The following CD58 variants were observed in gnomAD, a reference collection of about 807,000 sequenced individuals.
CD58 encodes lymphocyte function-associated antigen 3.
Under a neutral mutation model 27.6 loss-of-function variants are expected in CD58, and 14 were observed. The observed-to-expected ratio is 0.51, with a 90% CI of 0.34 to 0.79. The LOEUF (loss-of-function observed/expected upper bound fraction) is 0.79. CD58 is among the 30% of genes least tolerant of loss of function. The pLI, the probability that CD58 is intolerant of heterozygous loss-of-function variation, is 0.02. For synonymous variants in CD58, 117 were observed against 103.8 expected (o/e 1.13, Z -0.77); for missense variants, 268 against 301.7 (o/e 0.89, Z 0.83).
At chr1:116,539,877 TCCTC>T (rs1657939216) in intron 2 of CD58, among the ~76,000 whole-genome samples, 1 of 152,222 alleles carries the variant, frequency 6.6e-6, no homozygotes, top group African/African-American at 2.4e-5. Context: ...TGTGCCTACT[TCCTC>T]CCTAAGACAA....
At chr1:116,533,451 T>C (rs114382491) in intron 3 of CD58, 564 of 751,974 alleles carry the variant, frequency 7.5e-4, no homozygotes, top group Non-Finnish European at 1.1e-3. Flanking sequence ...AAAGCAGTCA[T>C]TGGGTTGAAA....
chr1:116,565,918 T>A (rs558470443), intron 1 of CD58, among the ~76,000 whole-genome samples: 2 of 152,164 alleles, frequency 1.3e-5, no homozygotes, highest in African/African-American at 2.4e-5. Flanking sequence ...AGGGTTTCAC[T>A]GCGTTAGCCA....
At position 116,534,582 on chromosome 1, in the gene CD58, G is replaced by A. The variant is rs909002840; in HGVS notation, c.628+1383C>T. Among the ~76,000 whole-genome samples, 3 of 152,136 alleles carry A rather than the reference G, an allele frequency of 2.0e-5. No homozygotes were observed. Among genetic ancestry groups the A allele is most frequent in the Non-Finnish European group, 4.4e-5 (3 of 67,998 alleles). On this transcript the variant is annotated intron_variant, in intron 3 of 5. Transcript: ENST00000369489. This position sits in a 1 kb window ranked among gnomAD's most constrained non-coding sequence, Gnocchi z 5.3. ...AGCGACTTGACCTTCAGGGCAGTGG[G>A]CGGCAGGGCAGGGGCGCACCGGGTG...
At position 116,522,585 on chromosome 1, in the gene CD58, A is replaced by G. The variant is rs1317867272; in HGVS notation, c.629-602T>C. ...AGGAACCTACCCCTGTATTTCCCCC[A>G]GGAACATTACTTCACTACTTGCTAT... On this transcript the variant is annotated intron_variant, in intron 3 of 5. Transcript: ENST00000369489. This position sits in a 1 kb window ranked among gnomAD's most constrained non-coding sequence, Gnocchi z 4.6. Among the ~76,000 whole-genome samples the G allele has an allele frequency of 6.6e-6, 1 of 152,238 alleles. No individual in the cohort carries two copies. The highest frequency in any genetic ancestry group is 1.9e-4 in the East Asian group (1 of 5,206).
chr1:116,530,299 G>A (rs1433515334), intron 3 of CD58, among the ~76,000 whole-genome samples: 13 of 151,262 alleles, frequency 8.6e-5, no homozygotes, highest in African/African-American at 1.2e-4. Context: ...TCCGCCTCCC[G>A]GGTTCATGCC....
At chr1:116,560,567 A>C (rs1017262244) in intron 1 of CD58, among the ~76,000 whole-genome samples, 9 of 152,174 alleles carry the variant, frequency 5.9e-5, no homozygotes, top group African/African-American at 2.2e-4. Context: ...TGTATGTTAA[A>C]CTTCAATTTT....
chr1:116,566,282 T>C (rs1571094921), intron 1 of CD58, among the ~76,000 whole-genome samples: 1 of 152,314 alleles, frequency 6.6e-6, no homozygotes, highest in African/African-American at 2.4e-5. Context: ...AATATACTGA[T>C]GCTACTAAGA....
Position 116,570,984 on chromosome 1 carries a change from C to A in CD58, c.-12G>T. On this transcript the variant is annotated 5_prime_UTR_variant, in exon 1 of 6. Coordinates refer to ENST00000369489, the MANE Select transcript of CD58 (RefSeq NM_001779.3). This position sits in a 1 kb window ranked among gnomAD's most constrained non-coding sequence, Gnocchi z 6.4. The stretch of plus-strand genomic sequence containing the variant: ...CTCCCAGCAACCATGGCTCGTCGGG[C>A]CGGCCTCTGCGCGAGTGCCCAGCCA... 1 of 1,540,616 alleles carries A rather than the reference C, an allele frequency of 6.5e-7. No homozygotes were observed. Among genetic ancestry groups the A allele is most frequent in the Non-Finnish European group, 8.7e-7 (1 of 1,150,304 alleles).
At chr1:116,567,520 C>T (rs1308634214) in intron 1 of CD58, among the ~76,000 whole-genome samples, 1 of 152,080 alleles carries the variant, frequency 6.6e-6, no homozygotes, top group African/African-American at 2.4e-5. Flanking sequence ...CACCTGTAGT[C>T]CTGGCTACTC....
In CD58 at chr1:116,544,393, G is replaced by A. The variant is rs1215607993; in HGVS notation, c.282C>T (p.Asn94=). 1 of 1,611,858 alleles carries A rather than the reference G, an allele frequency of 6.2e-7. No homozygotes were observed. Among genetic ancestry groups the A allele is most frequent in the Admixed American group, 1.7e-5 (1 of 60,024 alleles). Residue 94 remains asparagine (N), a synonymous_variant, in exon 2 of 6, where the codon AAC becomes AAT. Coordinates refer to ENST00000369489, the MANE Select transcript of CD58 (RefSeq NM_001779.3). The part of the protein sequence containing the change: ...DTVSGSLTIY[N]LTSSDEDEYE... The stretch of plus-strand genomic sequence containing the variant: ...ACTCATCTTCATCTGATGATGTTAA[G>A]TTGTAGATAGTGAGGCTACCTGACA...
At position 116,552,316 on chromosome 1, in the gene CD58, C is replaced by T. The variant is rs1658418443; in HGVS notation, c.71-7712G>A. On this transcript the variant is annotated intron_variant, in intron 1 of 5. Coordinates refer to ENST00000369489, the MANE Select transcript of CD58 (RefSeq NM_001779.3). This position sits in a 1 kb window ranked among gnomAD's most constrained non-coding sequence, Gnocchi z 4.5. ...GTCTTATACGCATGGTTCTTGGCAT[C>T]CCAAAACAATGACAACAGTAACATC... Among the ~76,000 whole-genome samples, 1 of 152,128 alleles carries T rather than the reference C, an allele frequency of 6.6e-6. No individual in the cohort carries two copies. Among genetic ancestry groups the T allele is most frequent in the South Asian group, 2.1e-4 (1 of 4,834 alleles).
At chr1:116,543,831 A>G (rs937063327) in intron 2 of CD58, among the ~76,000 whole-genome samples, 1 of 152,182 alleles carries the variant, frequency 6.6e-6, no homozygotes. Context: ...CTGAGACAGT[A>G]AAATCACTTT....
At chr1:116,535,940 A>G (rs200660937) in intron 3 of CD58, 25 bp downstream of exon 3, 146 of 1,576,904 alleles carry the variant, frequency 9.3e-5, no homozygotes, top group East Asian at 2.9e-4. Context: ...GAAAGCCTCC[A>G]TGACACATTT....
At chr1:116,535,637 C>T (rs1374749045) in intron 3 of CD58, among the ~76,000 whole-genome samples, 1 of 98,988 alleles carries the variant, frequency 1.0e-5, no homozygotes, top group South Asian at 4.9e-4. Flanking sequence ...GTCAGGAGAT[C>T]GAGACCATCC....
At position 116,541,390 on chromosome 1, in the gene CD58, C is replaced by T. The variant is rs754018133; in HGVS notation, c.364+2921G>A. Among the ~76,000 whole-genome samples, 7 of 152,230 alleles carry T rather than the reference C, an allele frequency of 4.6e-5. No homozygotes were observed. Among genetic ancestry groups the T allele is most frequent in the Non-Finnish European group, 8.8e-5 (6 of 68,042 alleles). ...AATAGAGTCCACAGGGGTCAGACCT[C>T]ACATAGCCTTGCAAGTCGCTTTACA... is the stretch of plus-strand genomic sequence containing the variant. On this transcript the variant is annotated intron_variant, in intron 2 of 5. Coordinates refer to ENST00000369489, the MANE Select transcript of CD58 (RefSeq NM_001779.3). The surrounding 1 kb of genome is among the most constrained non-coding windows in gnomAD (Gnocchi z 5.3).
chr1:116,546,167 T>C lies in CD58; in HGVS notation c.71-1563A>G, dbSNP rs920200069. Among the ~76,000 whole-genome samples, 3 of 152,268 alleles carry C rather than the reference T, an allele frequency of 2.0e-5. No homozygotes were observed. Among genetic ancestry groups the C allele is most frequent in the East Asian group, 3.9e-4 (2 of 5,186 alleles). ...AGCCTGGGTGACAGAGCATGACCTGTCTCAACAAACAAACAAAAAACTGCA... is the reference window on the plus strand; with the variant it reads ...AGCCTGGGTGACAGAGCATGACCTGCCTCAACAAACAAACAAAAAACTGCA... On this transcript the variant is annotated intron_variant, in intron 1 of 5. Coordinates refer to ENST00000369489, the MANE Select transcript of CD58 (RefSeq NM_001779.3). The surrounding 1 kb of genome is among the most constrained non-coding windows in gnomAD (Gnocchi z 4.1).
rs562807222 is a variant in CD58 at position 116,521,986 on chromosome 1, A to G, written c.629-3T>C. On this transcript the variant is annotated splice_polypyrimidine_tract_variant and splice_region_variant and intron_variant, in intron 3 of 5. Coordinates refer to ENST00000369489, the MANE Select transcript of CD58 (RefSeq NM_001779.3). The surrounding 1 kb of genome is among the most constrained non-coding windows in gnomAD (Gnocchi z 5.6). ...TGCATATCTGTGTCTTGAATGACCT[A>G]TAAAAAAGAAAAGAAAAGAAATTCA... 13 of 1,514,326 alleles carry G rather than the reference A, an allele frequency of 8.6e-6. No homozygotes were observed. In the African/African-American group the frequency reaches 1.7e-4, roughly 19 times the overall value. The allele number at this position is 1,514,326 out of a possible 1,614,324, so 93.8% of individuals were successfully genotyped here.
intron 1 of CD58, among the ~76,000 whole-genome samples, chr1:116,568,267 G>A (rs1428040136): frequency 6.6e-6 from 1 of 152,136 alleles, no homozygotes; most frequent in Non-Finnish European, 1.5e-5. Context: ...AATTACAGGT[G>A]AGGTGTCATG....
At position 116,536,184 on chromosome 1, in the gene CD58, T is replaced by C. The variant is rs1657800533; in HGVS notation, c.409A>G (p.Ser137Gly). The change falls in exon 3 of 6, where the codon AGC becomes GGC. Residue 137 changes from serine (S) to glycine (G), a missense_variant. Ser to Gly is a moderately conservative substitution (Grantham distance 56). Transcript: ENST00000369489. This position sits in a 1 kb window ranked among gnomAD's most constrained non-coding sequence, Gnocchi z 5.4. ...PTLTCALTNG[S>G]IEVQCMIPEH... ...GGTATCATGCATTGGACTTCAATGC[T>C]TCCATTAGTCAATGCACAAGTTAGT... 1 of 1,611,294 alleles carries C rather than the reference T, an allele frequency of 6.2e-7. No homozygotes were observed. Among genetic ancestry groups the C allele is most frequent in the African/African-American group, 1.3e-5 (1 of 74,842 alleles).
Sources: gnomAD v4.1 joint callset for allele counts (sites outside exome capture counted in the v4.1 genomes callset) on GRCh38, gnomAD v4.1.1 for gene constraint, Gnocchi (gnomAD v3.1) non-coding constraint, MANE v1.5 for transcripts, NCBI Gene and HGNC (gene_info 2026-07-23, HGNC 2026-07-21) for gene names.